Variants in LONP2 observed in about 807,000 individuals in gnomAD.
LONP2 encodes the protein lon protease homolog 2, peroxisomal.
LONP2 carries 60 observed loss-of-function variants against 85.6 expected under a neutral mutation model. That is an observed-to-expected ratio of 0.70 (90% confidence interval 0.57 to 0.87). The LOEUF (loss-of-function observed/expected upper bound fraction) is 0.87, where lower values mean the gene tolerates loss of function less well. Among genes scored for constraint, LONP2 ranks in the 40% least tolerant of loss-of-function variants. The pLI is 0.00. For synonymous variants in LONP2, 395 were observed against 389.7 expected (o/e 1.01, Z -0.16); for missense variants, 860 against 1,063.5 (o/e 0.81, Z 2.66).
chr16:48,286,164 C>T (rs572233031), intron 8 of LONP2, among the ~76,000 whole-genome samples: 118 of 136,620 alleles, frequency 8.6e-4, no homozygotes, highest in Non-Finnish European at 1.5e-3. Flanking sequence ...TTTTTTGAGA[C>T]GGAGTCTCAC....
intron 8 of LONP2, among the ~76,000 whole-genome samples, chr16:48,279,928 G>C (rs1972291495): frequency 6.6e-6 from 1 of 152,134 alleles, no homozygotes; most frequent in South Asian, 2.1e-4. Context: ...TATTAAGCAG[G>C]AGACCATACA....
chr16:48,253,984 A>G (rs1567308384), intron 2 of LONP2, among the ~76,000 whole-genome samples: 2 of 152,066 alleles, frequency 1.3e-5, no homozygotes, highest in African/African-American at 2.4e-5. Flanking sequence ...GTTATTTCCA[A>G]TTATTCTCTT....
At chr16:48,338,741 C>T (rs1054248894) in intron 12 of LONP2, among the ~76,000 whole-genome samples, 4 of 152,064 alleles carry the variant, frequency 2.6e-5, no homozygotes, top group African/African-American at 4.8e-5. Flanking sequence ...AATCCCTTCT[C>T]TACAAAAAAT....
chr16:48,318,283 C>T (rs1021456508), intron 11 of LONP2, among the ~76,000 whole-genome samples: 1 of 152,068 alleles, frequency 6.6e-6, no homozygotes, highest in Non-Finnish European at 1.5e-5. Flanking sequence ...CTTTGGGAGG[C>T]TGAAGAGGGC....
chr16:48,323,665 A>C (rs963013412), intron 11 of LONP2, among the ~76,000 whole-genome samples: 4 of 152,092 alleles, frequency 2.6e-5, no homozygotes, highest in African/African-American at 9.7e-5. Flanking sequence ...TCCAAAAAAA[A>C]AAAAAAACAA....
chr16:48,275,854 G>C (rs1205792303), intron 7 of LONP2, among the ~76,000 whole-genome samples: 2 of 152,140 alleles, frequency 1.3e-5, no homozygotes, highest in East Asian at 3.9e-4. Flanking sequence ...AGTGTGAGTA[G>C]AATCTAGGAT....
intron 12 of LONP2, among the ~76,000 whole-genome samples, chr16:48,347,061 G>T (rs1466168654): frequency 6.6e-6 from 1 of 152,162 alleles, no homozygotes; most frequent in Non-Finnish European, 1.5e-5. Context: ...GGCAGAGGCA[G>T]GAGAATCACT....
intron 11 of LONP2, among the ~76,000 whole-genome samples, chr16:48,304,774 C>A (rs1379065574): frequency 6.6e-6 from 1 of 152,130 alleles, no homozygotes; most frequent in Non-Finnish European, 1.5e-5. Flanking sequence ...GGTCTCAGTT[C>A]ATCATATCAT....
rs990948935 is a variant in LONP2 at position 48,356,965 on chromosome 16, A to G, written c.*5163A>G. 2 of 152,840 alleles carry G rather than the reference A, an allele frequency of 1.3e-5. No individual in the cohort carries two copies. The highest frequency in any genetic ancestry group is 3.8e-4 in the East Asian group (2 of 5,242). 9.5% of individuals were successfully genotyped at this position (152,840 alleles called of 1,614,324 possible). ...CATTATTTATATCTGTAAACCTGTT[A>G]TTATTTTCAGAATTCAGAAAGGCCT... is the stretch of plus-strand genomic sequence containing the variant. On this transcript the variant is annotated 3_prime_UTR_variant, in exon 15 of 15. Transcript: ENST00000285737.
intron 8 of LONP2, among the ~76,000 whole-genome samples, chr16:48,290,778 C>T (rs1596952705): frequency 6.6e-6 from 1 of 152,176 alleles, no homozygotes; most frequent in Non-Finnish European, 1.5e-5. Context: ...GGCCTTGTCA[C>T]ATAGGCCTGA....
chr16:48,310,558 G>A (rs1480100177), intron 11 of LONP2, among the ~76,000 whole-genome samples: 3 of 151,986 alleles, frequency 2.0e-5, no homozygotes, highest in African/African-American at 7.2e-5. Context: ...TGTCACGTTG[G>A]CCAGGCTGGT....
At position 48,326,567 on chromosome 16, in the gene LONP2, G is replaced by A. The variant is rs745574600; in HGVS notation, c.1796-7649G>A. ...GATAGATATCCCAGGGCCCTCTGTG[G>A]TTAGATAGTCTCCATTTCTACCACA... On this transcript the variant is annotated intron_variant, in intron 11 of 14. Transcript: ENST00000285737. Among the ~76,000 whole-genome samples, 10 of 152,248 alleles carry A rather than the reference G, an allele frequency of 6.6e-5. No homozygotes were observed. The East Asian group carries it at 1.9e-3, about 29-fold the overall frequency.
At chr16:48,288,668 T>TC (rs1399230495) in intron 8 of LONP2, among the ~76,000 whole-genome samples, 1 of 152,086 alleles carries the variant, frequency 6.6e-6, no homozygotes, top group Admixed American at 6.5e-5. Flanking sequence ...TGTGCATGCA[T>TC]CCCTGGGGTC....
intron 8 of LONP2, among the ~76,000 whole-genome samples, chr16:48,280,774 A>G (rs1314925152): frequency 1.3e-5 from 2 of 152,222 alleles, no homozygotes; most frequent in East Asian, 3.8e-4. Flanking sequence ...TGCTTGCCCA[A>G]GTCCTGGGTA....
At chr16:48,337,679 A>G (rs1959693704) in intron 12 of LONP2, among the ~76,000 whole-genome samples, 1 of 152,118 alleles carries the variant, frequency 6.6e-6, no homozygotes, top group South Asian at 2.1e-4. Flanking sequence ...TGTTCTTTGC[A>G]CCTCACAAGT....
At position 48,244,564 on chromosome 16, in the gene LONP2, T is replaced by A. The variant is rs1971234226; in HGVS notation, c.176T>A (p.Val59Asp). ...GTSLQSTILG[V>D]IPNTPDPASD... is the part of the protein sequence containing the mutation. ...TCGCTGCAAAGCACCATCCTGGGCG[T>A]CATCCCCAACACGCCTGACCCCGCC... Residue 59 changes from valine (V) to aspartate (D), a missense_variant, in exon 1 of 15, where the codon GTC becomes GAC. Physicochemically the swap from Val to Asp is radical, Grantham distance 152 (BLOSUM62 -3). Coordinates refer to ENST00000285737, the MANE Select transcript of LONP2 (RefSeq NM_031490.5). 1.3e-6 allele frequency: 2 copies of A among 1,532,238 alleles called. No homozygotes were observed. The highest frequency in any genetic ancestry group is 1.2e-5 in the South Asian group (1 of 82,372). 94.9% of individuals were successfully genotyped at this position (1,532,238 alleles called of 1,614,324 possible).
intron 8 of LONP2, among the ~76,000 whole-genome samples, chr16:48,287,572 A>C (rs1323066692): frequency 6.6e-6 from 1 of 152,226 alleles, no homozygotes; most frequent in African/African-American, 2.4e-5. Context: ...AAACAGGGAC[A>C]GTTCTCTGGG....
chr16:48,250,851 C>A (rs945249556), intron 1 of LONP2, among the ~76,000 whole-genome samples: 1 of 152,162 alleles, frequency 6.6e-6, no homozygotes, highest in Non-Finnish European at 1.5e-5. Flanking sequence ...GAAAAGCAGC[C>A]ACAACACAAA....
At chr16:48,348,637 A>G (rs538513670) in intron 14 of LONP2, among the ~76,000 whole-genome samples, 1 of 151,702 alleles carries the variant, frequency 6.6e-6, no homozygotes, top group Non-Finnish European at 1.5e-5. Flanking sequence ...GGACTATAGG[A>G]GCACGCCACC....
Sources: gnomAD v4.1 joint callset for allele counts (sites outside exome capture counted in the v4.1 genomes callset) on GRCh38, gnomAD v4.1.1 for gene constraint, MANE v1.5 for transcripts, NCBI Gene and HGNC (gene_info 2026-07-23, HGNC 2026-07-21) for gene names.